The following CFAP47 variants were observed in gnomAD, a reference collection of about 807,000 sequenced individuals.
CFAP47 encodes cilia- and flagella-associated protein 47.
In CFAP47, 29 loss-of-function variants were observed where a neutral mutation model predicts 148.1. The ratio of observed to expected loss-of-function variants is 0.20; its 90% confidence interval spans 0.15 to 0.27. The LOEUF (loss-of-function observed/expected upper bound fraction) is 0.27, where lower values mean the gene tolerates loss of function less well. CFAP47 is among the 10% of genes least tolerant of loss of function. The pLI is 1.00. For synonymous variants in CFAP47, 664 were observed against 577.3 expected, an observed-to-expected ratio of 1.15 and a Z score of -2.15; for missense variants, 1,872 against 1,697.5, an observed-to-expected ratio of 1.10 and a Z score of -1.81.
chrX:36,120,905 A>T (rs1938731691), intron 33 of CFAP47, among the ~76,000 whole-genome samples: 1 of 111,103 alleles, frequency 9.0e-6, no homozygotes, highest in Non-Finnish European at 1.9e-5. Context: ...ATGAAGTCTG[A>T]TGTTTCTTTG....
At chrX:36,281,050 A>G (rs958117646) in intron 50 of CFAP47, among the ~76,000 whole-genome samples, 14 of 111,848 alleles carry the variant, frequency 1.3e-4, no homozygotes, top group African/African-American at 4.2e-4. Flanking sequence ...CTATATTATA[A>G]AGCTTTATTT....
intron 48 of CFAP47, among the ~76,000 whole-genome samples, chrX:36,243,609 G>A (rs1268491838): frequency 1.0e-5 from 1 of 97,190 alleles, no homozygotes; most frequent in African/African-American, 3.8e-5. Flanking sequence ...ATGATAAAGG[G>A]TGCAAGTCAA....
intron 62 of CFAP47, among the ~76,000 whole-genome samples, chrX:36,371,542 C>CATATGTGTATAT (rs1276858182): frequency 0.039 from 3,832 of 98,934 alleles, 109 homozygotes; most frequent in Middle Eastern, 0.076. Flanking sequence ...TATGTGTATA[C>CATATGTGTATAT]ATATGTGTAT....
intron 1 of CFAP47, among the ~76,000 whole-genome samples, chrX:35,924,321 A>G (rs754448184): frequency 2.8e-5 from 3 of 105,979 alleles, no homozygotes. Flanking sequence ...ATGTACATGT[A>G]TGTGTATATG....
chrX:36,123,245 A>C (rs1406097014), intron 33 of CFAP47, among the ~76,000 whole-genome samples: 1 of 112,439 alleles, frequency 8.9e-6, no homozygotes, highest in Non-Finnish European at 1.9e-5. Flanking sequence ...TGTGGTGAGC[A>C]CAGCACTGGG....
At chrX:36,020,329 CTGTATATATCTATT>C (rs1937143630) in intron 22 of CFAP47, among the ~76,000 whole-genome samples, 1 of 111,918 alleles carries the variant, frequency 8.9e-6, no homozygotes, top group Non-Finnish European at 1.9e-5. Flanking sequence ...ATGAAATGTT[CTGTATATATCTATT>C]AGATCCTTTT....
In CFAP47 at chrX:36,379,356, T is replaced by C. The variant is rs1942055599; in HGVS notation, c.9192T>C (p.Pro3064=). The change falls in exon 63 of 64, where the codon CCT becomes CCC. Residue 3064 remains proline, a synonymous_variant. Coordinates refer to ENST00000378653, the MANE Select transcript of CFAP47 (RefSeq NM_001304548.2). The part of the protein sequence containing the change: ...ELRLKSQTRN[P]EPFTAHFLPG... Reference sequence around the variant, plus strand: ...TTTTGTACTTTTGTTCCAGAAATCCTGAGCCGTTCACCGCACACTTCCTAC... The same window carrying C: ...TTTTGTACTTTTGTTCCAGAAATCCCGAGCCGTTCACCGCACACTTCCTAC... The C allele has an allele frequency of 1.7e-6, 2 of 1,167,042 alleles. No homozygotes were observed. The highest frequency in any genetic ancestry group is 1.8e-5 in the African/African-American group (1 of 56,400).
chrX:36,303,883 A>G lies in CFAP47; in HGVS notation c.8005A>G (p.Thr2669Ala). 7.0e-6 allele frequency: 8 copies of G among 1,142,641 alleles called. No individual in the cohort carries two copies. Among genetic ancestry groups the G allele is most frequent in the Non-Finnish European group, 9.3e-6 (8 of 856,465 alleles). The allele number at this position is 1,142,641 out of a possible 1,213,427, so 94.2% of individuals were successfully genotyped here. Residue 2669 changes from threonine to alanine, a missense_variant, in exon 54 of 64, where the codon ACG (threonine) becomes GCG (alanine). By Grantham distance (58) the Thr-to-Ala change is moderately conservative. Coordinates refer to ENST00000378653, the MANE Select transcript of CFAP47 (RefSeq NM_001304548.2). ...TCAGATCATTCCTTTAGTTAATTGT[A>G]CGCATGAAACCTTAAAATTGCAAGT... ...VTQIIPLVNC[T>A]HETLKLQVTN...
chrX:36,175,941 C>A (rs1396879515), intron 39 of CFAP47, among the ~76,000 whole-genome samples: 4 of 112,914 alleles, frequency 3.5e-5, no homozygotes, highest in Non-Finnish European at 7.5e-5. Flanking sequence ...GCTGTGCTAG[C>A]AATCAGCGAG....
intron 45 of CFAP47, among the ~76,000 whole-genome samples, chrX:36,217,274 C>G (rs1478960272): frequency 9.0e-6 from 1 of 111,595 alleles, no homozygotes; most frequent in Admixed American, 9.6e-5. Context: ...TCTTAACAGC[C>G]TAGTTTGTTT....
chrX:36,102,072 TA>T lies in CFAP47; in HGVS notation c.5127+2194del, dbSNP rs747455877. On this transcript the variant is annotated intron_variant, in intron 32 of 63. Transcript: ENST00000378653. ...AGTGGGATAGCCCAGGACTATGTTCTATTTTGTGGCCAATGTATTGACTTTA... is the reference window on the plus strand; with the variant it reads ...AGTGGGATAGCCCAGGACTATGTTCTTTTTGTGGCCAATGTATTGACTTTA... 2.7e-5 allele frequency among the ~76,000 whole-genome samples: 3 copies of T among 111,974 alleles called. No homozygotes were observed. The East Asian group carries it at 8.5e-4, about 32-fold the overall frequency.
chrX:36,028,564 C>T (rs1161349977), intron 22 of CFAP47, among the ~76,000 whole-genome samples: 1 of 110,894 alleles, frequency 9.0e-6, no homozygotes, highest in Non-Finnish European at 1.9e-5. Flanking sequence ...TGTAGCTCTC[C>T]TTATAGATAT....
chrX:35,967,679 G>T lies in CFAP47; in HGVS notation c.1661G>T (p.Arg554Leu), dbSNP rs746688244. 4.1e-6 allele frequency: 5 copies of T among 1,207,391 alleles called. No homozygotes were observed. The highest frequency in any genetic ancestry group is 2.2e-5 in the Admixed American group (1 of 45,385). ...GKFVVKDLAK[R>L]KNYAPVAMLQ... The stretch of plus-strand genomic sequence containing the variant: ...TTTGTGGTCAAAGACTTGGCAAAAC[G>T]CAAGAATTATGCACCTGTAGCAATG... Residue 554 changes from arginine to leucine, a missense_variant, in exon 10 of 64, where the codon CGC (arginine) becomes CTC (leucine). Transcript: ENST00000378653.
intron 53 of CFAP47, among the ~76,000 whole-genome samples, chrX:36,302,157 A>T (rs1556007941): frequency 9.1e-6 from 1 of 110,056 alleles, no homozygotes; most frequent in Admixed American, 9.9e-5. Context: ...ATGATGGGAA[A>T]TCTGTCATGA....
chrX:36,034,992 A>T (rs1467773188), intron 23 of CFAP47, among the ~76,000 whole-genome samples: 1 of 110,347 alleles, frequency 9.1e-6, no homozygotes, highest in East Asian at 2.9e-4. Flanking sequence ...ATATATATAT[A>T]TCCATACATC....
intron 49 of CFAP47, among the ~76,000 whole-genome samples, chrX:36,276,768 G>C (rs781891225): frequency 8.9e-6 from 1 of 112,179 alleles, no homozygotes; most frequent in South Asian, 3.6e-4. Context: ...GAAAGAATTG[G>C]TTCTCAGATT....
chrX:36,350,196 C>T, intron 59 of CFAP47, 64 bp downstream of exon 59: 1 of 753,550 alleles, frequency 1.3e-6, no homozygotes. Context: ...TCTCTATTCC[C>T]ATCTTTTTTG....
rs782783234 is a variant in CFAP47, at chrX:36,367,156, G to A, written c.9185+29G>A. The A allele has an allele frequency of 1.1e-5, 11 of 1,000,717 alleles. No individual in the cohort carries two copies. In the Admixed American group the frequency reaches 3.0e-4, roughly 27 times the overall value. The allele number at this position is 1,000,717 out of a possible 1,213,427, so 82.5% of individuals were successfully genotyped here. A position where few individuals can be genotyped will look rare whatever the true frequency, so the allele number is the denominator to read the frequency against. On this transcript the variant is annotated intron_variant, in intron 62 of 63. Transcript: ENST00000378653. ...ATATATTAAACAAAAGTATGTAGCT[G>A]TTTTAGTGAATATGCTGAACTTTGG...
rs945711846 is a variant in CFAP47 at position 36,171,626 on chromosome X, C to G, written c.6027-7719C>G. 6.9e-4 allele frequency among the ~76,000 whole-genome samples: 76 copies of G among 110,893 alleles called. 1 individual carries two copies. Among genetic ancestry groups the G allele is most frequent in the Non-Finnish European group, 9.1e-4 (48 of 52,990 alleles). ...TAGCTGTAGATATGTGGCGTTATTT[C>G]TGAGGGCTCTGTTCTGTTCCATTGA... On this transcript the variant is annotated intron_variant, in intron 39 of 63. Transcript: ENST00000378653.
Sources: gnomAD v4.1 joint callset for allele counts (sites outside exome capture counted in the v4.1 genomes callset) on GRCh38, gnomAD v4.1.1 for gene constraint, MANE v1.5 for transcripts, NCBI Gene and HGNC (gene_info 2026-07-23, HGNC 2026-07-21) for gene names.